The following DGKZ variants were observed in gnomAD, a reference collection of about 807,000 sequenced individuals.
DGKZ encodes DAG kinase zeta.
DGKZ carries 45 observed loss-of-function variants against 142.5 expected under a neutral mutation model. The observed-to-expected ratio is 0.32, with a 90% CI of 0.25 to 0.40. The LOEUF (loss-of-function observed/expected upper bound fraction) is 0.40, where lower values mean the gene tolerates loss of function less well. DGKZ is among the 10% of genes least tolerant of loss of function. DGKZ has a pLI of 1.00. For synonymous variants in DGKZ, 442 were observed against 527.0 expected, an observed-to-expected ratio of 0.84 and a Z score of 2.21; for missense variants, 755 against 1,306.5, an observed-to-expected ratio of 0.58 and a Z score of 6.51.
At chr11:46,378,317 T>A (rs1211685766) in intron 26 of DGKZ, 88 bp downstream of exon 26, 96 of 1,544,706 alleles carry the variant, frequency 6.2e-5, no homozygotes, top group Non-Finnish European at 8.2e-5. Flanking sequence ...AGACACAGCC[T>A]TACACAAACA....
chr11:46,368,431 A>AC (rs888315991), intron 4 of DGKZ: 3 of 366,244 alleles, frequency 8.2e-6, no homozygotes, highest in Non-Finnish European at 1.6e-5. Flanking sequence ...CTGTGGCTAC[A>AC]CCCTGCCTCT....
Position 46,372,338 on chromosome 11 carries a change from C to T in DGKZ, c.928-90C>T. 2.7e-6 allele frequency: 4 copies of T among 1,465,770 alleles called. No homozygotes were observed. The highest frequency in any genetic ancestry group is 3.8e-6 in the Non-Finnish European group (4 of 1,052,916). 90.8% of individuals were successfully genotyped at this position (1,465,770 alleles called of 1,614,324 possible). On this transcript the variant is annotated intron_variant, in intron 10 of 30. Transcript: ENST00000527911. This position sits in a 1 kb window ranked among gnomAD's most constrained non-coding sequence, Gnocchi z 5.9. ...CTCCACCCCTCACCCCTTATTGGCCCTGGTTCCCACAGTCACACCCCTCTC... is the reference window on the plus strand; with the variant it reads ...CTCCACCCCTCACCCCTTATTGGCCTTGGTTCCCACAGTCACACCCCTCTC...
chr11:46,338,787 C>T (rs914315284), intron 1 of DGKZ: 1 of 152,150 alleles, frequency 6.6e-6, no homozygotes, highest in East Asian at 1.9e-4. Context: ...CACTTCTGAC[C>T]CTGTTTCCTC....
chr11:46,366,396 C>T (rs1229338894), intron 1 of DGKZ: 6 of 1,523,224 alleles, frequency 3.9e-6, no homozygotes, highest in East Asian at 4.8e-5. Flanking sequence ...TCCTCACTGG[C>T]ACAGCGGCGC....
At chr11:46,348,273 T>A (rs570977726) in intron 1 of DGKZ, among the ~76,000 whole-genome samples, 15 of 152,196 alleles carry the variant, frequency 9.9e-5, no homozygotes, top group Non-Finnish European at 2.1e-4. Flanking sequence ...CTTTGGACTT[T>A]CGTGGGACCA....
chr11:46,365,032 C>G, intron 1 of DGKZ: 2 of 985,470 alleles, frequency 2.0e-6, no homozygotes, highest in Non-Finnish European at 2.4e-6. Flanking sequence ...GCTGCCCTTC[C>G]CCCACTGTTA....
rs1940774499 is a variant in DGKZ at position 46,347,495 on chromosome 11, C to T, written c.-165C>T. 1.0e-6 allele frequency: 1 copy of T among 982,396 alleles called. No individual in the cohort carries two copies. Among genetic ancestry groups the T allele is most frequent in the Non-Finnish European group, 1.2e-6 (1 of 828,970 alleles). 60.9% of individuals were successfully genotyped at this position (982,396 alleles called of 1,614,324 possible). A position where few individuals can be genotyped will look rare whatever the true frequency, so the allele number is the denominator to read the frequency against. ...CCTGGAGCGGCGGCGGCAGCGGCTT[C>T]CCGGGCACCTGGGCGTGGGGAGCGG... On this transcript the variant is annotated 5_prime_UTR_variant, in exon 1 of 31. Transcript: ENST00000527911. This position sits in a 1 kb window ranked among gnomAD's most constrained non-coding sequence, Gnocchi z 6.4.
At chr11:46,339,059 C>T (rs547003674) in intron 1 of DGKZ, among the ~76,000 whole-genome samples, 1 of 152,272 alleles carries the variant, frequency 6.6e-6, no homozygotes, top group South Asian at 2.1e-4. Context: ...GCGCGCATGT[C>T]CCAGCCTACG....
downstream of DGKZ, chr11:46,380,540 G>A (rs1012040197): frequency 1.3e-5 from 2 of 152,520 alleles, no homozygotes; most frequent in African/African-American, 2.4e-5. Flanking sequence ...CAGTAAAGTG[G>A]ATTTTTTTTT....
chr11:46,338,620 C>T (rs1940130101), intron 1 of DGKZ: 1 of 148,240 alleles, frequency 6.7e-6, no homozygotes, highest in Non-Finnish European at 1.5e-5. Context: ...GAAACAAGAA[C>T]TGAGGCATCG....
chr11:46,365,465 T>C, intron 1 of DGKZ: 1 of 985,418 alleles, frequency 1.0e-6, no homozygotes, highest in South Asian at 4.7e-5. Context: ...GGCTTTGCTT[T>C]TGGCCCAAGC....
chr11:46,347,005 A>G (rs1217603924), upstream of DGKZ, among the ~76,000 whole-genome samples: 2 of 152,134 alleles, frequency 1.3e-5, no homozygotes, highest in African/African-American at 2.4e-5. This position sits in a 1 kb window ranked among gnomAD's most constrained non-coding sequence, Gnocchi z 6.4. Flanking sequence ...TTCTGCGTGC[A>G]TGGGGAGCAC....
At chr11:46,377,971 T>G in intron 25 of DGKZ, 1 of 603,584 alleles carries the variant, frequency 1.7e-6, no homozygotes, top group African/African-American at 1.8e-5. Context: ...GAACTCCTTA[T>G]TTATTTGACT....
chr11:46,366,964 G>A lies in DGKZ; in HGVS notation c.162-327G>A, dbSNP rs1467990383. On this transcript the variant is annotated intron_variant, in intron 1 of 30. Coordinates refer to ENST00000527911, the Ensembl canonical transcript of DGKZ. ...TACGGCGCAAGGCGGCCGGACCCCA[G>A]GCCTGGAGCGCCCTGCTCGCGTAGG... 2 of 1,534,864 alleles carry A rather than the reference G, an allele frequency of 1.3e-6. No homozygotes were observed. The highest frequency in any genetic ancestry group is 2.4e-5 in the East Asian group (1 of 41,168).
At position 46,367,366 on chromosome 11, in the gene DGKZ, A is replaced by G. The variant is rs148198310; in HGVS notation, c.237A>G (p.Ser79=). The G allele has an allele frequency of 8.1e-6, 13 of 1,613,190 alleles. No homozygotes were observed. The highest frequency in any genetic ancestry group is 1.0e-5 in the Non-Finnish European group (12 of 1,179,994). Residue 79 remains serine, a synonymous_variant, in exon 2 of 31, where the codon TCA becomes TCG. Coordinates refer to ENST00000527911, the Ensembl canonical transcript of DGKZ. This position sits in a 1 kb window ranked among gnomAD's most constrained non-coding sequence, Gnocchi z 4.1. Reference sequence around the variant, plus strand: ...CCCCTGGGGCCCCGTGCAGCGAGTCAGAGCGGCAGATCCGGAGTACAGTGG... The same window carrying G: ...CCCCTGGGGCCCCGTGCAGCGAGTCGGAGCGGCAGATCCGGAGTACAGTGG...
At chr11:46,345,502 G>A (rs762591982), upstream of DGKZ, 14 of 1,516,730 alleles carry the variant, frequency 9.2e-6, no homozygotes, top group East Asian at 8.0e-5. This position sits in a 1 kb window ranked among gnomAD's most constrained non-coding sequence, Gnocchi z 4.1. Context: ...CGGAAGAAGG[G>A]GAGCGGCCGG....
chr11:46,375,221 C>T (rs1185296920), intron 19 of DGKZ, among the ~76,000 whole-genome samples, 176 bp downstream of exon 19: 1 of 152,186 alleles, frequency 6.6e-6, no homozygotes, highest in Non-Finnish European at 1.5e-5. Flanking sequence ...CTCGGGATAC[C>T]TTCACTCCCC....
chr11:46,371,960 G>A, intron 9 of DGKZ, 115 bp from the exon 10 acceptor site: 4 of 1,253,596 alleles, frequency 3.2e-6, no homozygotes, highest in Non-Finnish European at 3.4e-6. Flanking sequence ...ATCTGGCCCA[G>A]AGATGGTACG....
At chr11:46,337,019 T>C (rs1361666323) in intron 1 of DGKZ, among the ~76,000 whole-genome samples, 1 of 151,974 alleles carries the variant, frequency 6.6e-6, no homozygotes, top group African/African-American at 2.4e-5. Context: ...AGATCCTGTC[T>C]CTAAAAAAAG....
Sources: gnomAD v4.1 joint callset for allele counts (sites outside exome capture counted in the v4.1 genomes callset) on GRCh38, gnomAD v4.1.1 for gene constraint, Gnocchi (gnomAD v3.1) non-coding constraint, MANE v1.5 for transcripts, NCBI Gene and HGNC (gene_info 2026-07-23, HGNC 2026-07-21) for gene names.